DAB1: variants seen among roughly 807,000 people sequenced by gnomAD.
DAB1 encodes DAB adaptor protein 1.
DAB1 carries 15 observed loss-of-function variants against 64.6 expected under a neutral mutation model. The ratio of observed to expected loss-of-function variants is 0.23; its 90% CI spans 0.16 to 0.36. DAB1 has a LOEUF of 0.36. Ranked by LOEUF, DAB1 falls within the 10% of genes least tolerant of loss-of-function variation. The probability of loss-of-function intolerance (pLI) is 1.00; values close to 1 mark genes in which losing one functional copy is unlikely to be tolerated. For synonymous variants in DAB1, 235 were observed against 251.9 expected (o/e 0.93, Z 0.64); for missense variants, 596 against 706.7 (o/e 0.84, Z 1.78).
chr1:57,806,387 A>G (rs1557491286), intron 6 of DAB1, among the ~76,000 whole-genome samples: 1 of 152,184 alleles, frequency 6.6e-6, no homozygotes, highest in African/African-American at 2.4e-5. Context: ...CGTCCTTGTG[A>G]AAAGGGGGCA....
chr1:58,536,466 G>A, intron 1 of DAB1: 2 of 774,540 alleles, frequency 2.6e-6, no homozygotes, highest in Non-Finnish European at 2.3e-6. Context: ...TTCCTACTTT[G>A]AGTGTTATAT....
intron 4 of DAB1, among the ~76,000 whole-genome samples, chr1:58,317,821 G>A (rs886751038): frequency 5.3e-5 from 8 of 152,156 alleles, no homozygotes; most frequent in Admixed American, 1.3e-4. Context: ...CTAAATCTGC[G>A]GTACTTTGTT....
intron 4 of DAB1, among the ~76,000 whole-genome samples, chr1:58,217,821 C>A (rs1367252489): frequency 6.6e-6 from 1 of 152,036 alleles, no homozygotes; most frequent in Non-Finnish European, 1.5e-5. Context: ...CCCATAGTAC[C>A]TAACACAGAG....
intron 4 of DAB1, among the ~76,000 whole-genome samples, chr1:58,300,044 G>A (rs768534296): frequency 2.6e-5 from 4 of 152,102 alleles, no homozygotes; most frequent in South Asian, 2.1e-4. Context: ...AAAGGGTCAC[G>A]TTTAGAAACC....
chr1:58,341,887 A>C (rs1053290266), intron 4 of DAB1, among the ~76,000 whole-genome samples: 3 of 152,174 alleles, frequency 2.0e-5, no homozygotes, highest in Non-Finnish European at 4.4e-5. Flanking sequence ...CTCTGTCCTG[A>C]TAGGCTGTAA....
intron 2 of DAB1, among the ~76,000 whole-genome samples, chr1:57,210,804 T>A (rs72919284): frequency 1.3e-5 from 2 of 152,314 alleles, no homozygotes; most frequent in African/African-American, 2.4e-5. Flanking sequence ...GAAAATATTT[T>A]AAAAATTTAA....
rs183800682 is a variant in DAB1, at chr1:57,002,154, A to G, written c.*16-4026T>C. 2.0e-5 allele frequency among the ~76,000 whole-genome samples: 3 copies of G among 152,338 alleles called. No homozygotes were observed. The East Asian group carries it at 5.8e-4, about 29-fold the overall frequency. On this transcript the variant is annotated intron_variant, in intron 14 of 14. Coordinates refer to ENST00000371236, the MANE Select transcript of DAB1 (RefSeq NM_001365792.1). ...AGATAACAGAGTAGATGGAAACCAT[A>G]TGGTAAAACCTAAAGCAAAATCCAC...
chr1:57,044,817 G>A (rs1276181758), intron 9 of DAB1, among the ~76,000 whole-genome samples: 1 of 152,120 alleles, frequency 6.6e-6, no homozygotes, highest in Non-Finnish European at 1.5e-5. Flanking sequence ...TGGGTCACAG[G>A]GTAATATTAA....
In DAB1 at chr1:57,012,000, C is replaced by T. The variant is rs557964524; in HGVS notation, c.1445-728G>A. On this transcript the variant is annotated intron_variant, in intron 12 of 14. Coordinates refer to ENST00000371236, the MANE Select transcript of DAB1 (RefSeq NM_001365792.1). ...CTTGATTCTATAAGGACAAAGGATA[C>T]GCATTTTCTGGGCTGACCCACCCAC... is the stretch of plus-strand genomic sequence containing the variant. Among the ~76,000 whole-genome samples, 12 of 152,296 alleles carry T rather than the reference C, an allele frequency of 7.9e-5. No individual in the cohort carries two copies. The South Asian group carries it at 1.0e-3, about 13-fold the overall frequency.
chr1:57,710,091 CCTATAT>C (rs1410778316), intron 6 of DAB1, among the ~76,000 whole-genome samples: 1 of 152,086 alleles, frequency 6.6e-6, no homozygotes, highest in Admixed American at 6.5e-5. Context: ...TTTTCTAGCT[CCTATAT>C]CTATATCACC....
chr1:57,884,995 T>C (rs576492381), upstream of DAB1, among the ~76,000 whole-genome samples: 42 of 152,346 alleles, frequency 2.8e-4, no homozygotes, highest in African/African-American at 1.0e-3. Context: ...GTAGCAGATG[T>C]TGGCACCATG....
intron 4 of DAB1, among the ~76,000 whole-genome samples, chr1:58,210,363 C>T (rs1658495468): frequency 6.6e-6 from 1 of 152,200 alleles, no homozygotes. Context: ...ATGATAGGAG[C>T]ACATGCTCTG....
chr1:57,373,802 G>A (rs1200482649), intron 1 of DAB1, among the ~76,000 whole-genome samples: 1 of 152,076 alleles, frequency 6.6e-6, no homozygotes, highest in Non-Finnish European at 1.5e-5. Flanking sequence ...CATAATCGCC[G>A]GGTTCTTATA....
At chr1:58,342,430 C>T (rs1018670232) in intron 4 of DAB1, among the ~76,000 whole-genome samples, 1 of 152,164 alleles carries the variant, frequency 6.6e-6, no homozygotes, top group African/African-American at 2.4e-5. Context: ...TCAGCAACAT[C>T]CTAATGAGAA....
chr1:58,190,759 G>A (rs1260370587), intron 4 of DAB1, among the ~76,000 whole-genome samples: 1 of 152,242 alleles, frequency 6.6e-6, no homozygotes, highest in Non-Finnish European at 1.5e-5. Flanking sequence ...AACATCTTTG[G>A]AAATGCTATA....
chr1:58,086,324 T>A (rs1650312353), intron 5 of DAB1, among the ~76,000 whole-genome samples: 1 of 152,146 alleles, frequency 6.6e-6, no homozygotes. Context: ...CTAACACATT[T>A]AAAGGCAGTT....
intron 7 of DAB1, among the ~76,000 whole-genome samples, chr1:57,473,891 T>C (rs1325455124): frequency 1.3e-5 from 2 of 152,192 alleles, no homozygotes; most frequent in Non-Finnish European, 2.9e-5. Context: ...TATTCATTCT[T>C]AAAGACAGGG....
chr1:57,082,626 CA>C (rs1652656809), intron 4 of DAB1, among the ~76,000 whole-genome samples: 2 of 152,146 alleles, frequency 1.3e-5, no homozygotes, highest in Non-Finnish European at 2.9e-5. Flanking sequence ...ATCAACCCAT[CA>C]CCTAGGTATT....
chr1:58,243,697 G>T (rs111230865), intron 4 of DAB1, among the ~76,000 whole-genome samples: 2 of 152,104 alleles, frequency 1.3e-5, no homozygotes, highest in African/African-American at 4.8e-5. Flanking sequence ...TTCACAAGGT[G>T]CCTTTCACTC....
Sources: allele counts gnomAD v4.1 joint callset (sites outside exome capture counted in the v4.1 genomes callset), GRCh38; gene constraint gnomAD v4.1.1; transcripts MANE v1.5; gene names NCBI Gene and HGNC (gene_info 2026-07-23, HGNC 2026-07-21).